CDH13: variants seen among roughly 807,000 people sequenced by gnomAD.
CDH13 encodes cadherin 13.
Under a neutral mutation model 63.8 loss-of-function variants are expected in CDH13, and 24 were observed. The ratio of observed to expected loss-of-function variants is 0.38; its 90% CI spans 0.27 to 0.53. The LOEUF is 0.53. Ranked by LOEUF, CDH13 falls within the 20% of genes least tolerant of loss-of-function variation. CDH13 has a pLI of 0.85. For missense variants in CDH13, 1,049 were observed against 903.1 expected, an observed-to-expected ratio of 1.16 and a Z score of -2.07; for synonymous variants, 503 against 355.3, an observed-to-expected ratio of 1.42 and a Z score of -4.67.
intron 1 of CDH13, among the ~76,000 whole-genome samples, chr16:82,693,641 G>A (rs754153061): frequency 6.6e-6 from 1 of 152,222 alleles, no homozygotes; most frequent in African/African-American, 2.4e-5. Context: ...CAAATGATAA[G>A]TTGCTGTCAG....
At chr16:83,007,225 T>A (rs1356581772) in intron 2 of CDH13, among the ~76,000 whole-genome samples, 1 of 152,196 alleles carries the variant, frequency 6.6e-6, no homozygotes. Flanking sequence ...CCCAGCATGA[T>A]GACTTAAATT....
intron 3 of CDH13, among the ~76,000 whole-genome samples, chr16:83,104,825 A>C (rs1218820765): frequency 6.6e-6 from 1 of 152,196 alleles, no homozygotes; most frequent in Admixed American, 6.5e-5. Context: ...AACGAACAAA[A>C]ACAAGCCATG....
chr16:83,765,690 A>C (rs1231767693), intron 11 of CDH13, among the ~76,000 whole-genome samples: 1 of 152,212 alleles, frequency 6.6e-6, no homozygotes, highest in Non-Finnish European at 1.5e-5. Context: ...TTTGTAAAAT[A>C]CTGGTGCTGA....
At chr16:83,462,712 T>C (rs8048700) in intron 6 of CDH13, among the ~76,000 whole-genome samples, 69,706 of 152,042 alleles carry the variant, frequency 0.46, 16,291 homozygotes, top group Middle Eastern at 0.54. Flanking sequence ...GTCAAGATCA[T>C]GCCACTGCAC....
At chr16:82,935,082 G>T (rs1262133696) in intron 2 of CDH13, among the ~76,000 whole-genome samples, 17 of 152,180 alleles carry the variant, frequency 1.1e-4, no homozygotes. Context: ...AGACATACCT[G>T]AGACTGGGTG....
rs866538578 is a variant in CDH13, at chr16:83,117,652, G to A, written c.367-7733G>A. ...CAGAGAGAAAGGGCTTGGTTGATAC[G>A]TTTTGAAGAAATGAATGAAAGAATG... On this transcript the variant is annotated intron_variant, in intron 3 of 13. Coordinates refer to ENST00000567109, the MANE Select transcript of CDH13 (RefSeq NM_001257.5). Among the ~76,000 whole-genome samples the A allele has an allele frequency of 8.6e-5, 13 of 151,726 alleles. No homozygotes were observed. In the Middle Eastern group the frequency reaches 0.014, roughly 159 times the overall value.
intron 2 of CDH13, among the ~76,000 whole-genome samples, chr16:82,904,275 C>T (rs1047249635): frequency 1.5e-4 from 23 of 152,246 alleles, no homozygotes; most frequent in African/African-American, 4.3e-4. Flanking sequence ...CTGCACAGAA[C>T]GGAAATGTTT....
intron 7 of CDH13, among the ~76,000 whole-genome samples, chr16:83,540,626 C>T (rs909138022): frequency 2.0e-5 from 3 of 152,192 alleles, no homozygotes; most frequent in Non-Finnish European, 4.4e-5. Context: ...CGTAATGACA[C>T]TCTCAAGTAG....
intron 6 of CDH13, among the ~76,000 whole-genome samples, chr16:83,410,002 A>G (rs2092103118): frequency 6.6e-6 from 1 of 152,244 alleles, no homozygotes; most frequent in Non-Finnish European, 1.5e-5. Context: ...TCCTGTGTGA[A>G]ACAACTTTTA....
In CDH13 at chr16:83,119,185, T is replaced by C. The variant is rs768133562; in HGVS notation, c.367-6200T>C. On this transcript the variant is annotated intron_variant, in intron 3 of 13. Coordinates refer to ENST00000567109, the MANE Select transcript of CDH13 (RefSeq NM_001257.5). The stretch of plus-strand genomic sequence containing the variant: ...CTTTTTGGAATTCTCCTCTCTGTGC[T>C]TCTGGTTTTTCTGCTACGCTGACTA... 2.8e-4 allele frequency among the ~76,000 whole-genome samples: 43 copies of C among 152,180 alleles called. 1 individual carries two copies. Among genetic ancestry groups the C allele is most frequent in the Middle Eastern group, 3.2e-3 (1 of 316 alleles).
At chr16:83,767,398 T>C (rs1914467168) in intron 11 of CDH13, among the ~76,000 whole-genome samples, 1 of 152,216 alleles carries the variant, frequency 6.6e-6, no homozygotes, top group African/African-American at 2.4e-5. Flanking sequence ...GGAGTTCTCC[T>C]GCATGAGCTC....
At chr16:83,333,571 A>T (rs927874459) in intron 5 of CDH13, among the ~76,000 whole-genome samples, 1 of 151,832 alleles carries the variant, frequency 6.6e-6, no homozygotes, top group African/African-American at 2.4e-5. Context: ...AGGTCACCAT[A>T]CTCCCGCTAA....
intron 3 of CDH13, among the ~76,000 whole-genome samples, chr16:83,056,659 A>G (rs1325318005): frequency 6.6e-6 from 1 of 152,002 alleles, no homozygotes; most frequent in Admixed American, 6.5e-5. Context: ...TGGTGGTGAT[A>G]TGGTTTGGCC....
At chr16:83,075,956 C>T (rs934965748) in intron 3 of CDH13, among the ~76,000 whole-genome samples, 1 of 152,106 alleles carries the variant, frequency 6.6e-6, no homozygotes, top group African/African-American at 2.4e-5. Flanking sequence ...GGATCAGCTT[C>T]GTGACAAAAA....
At chr16:82,920,120 C>G (rs1356846132) in intron 2 of CDH13, among the ~76,000 whole-genome samples, 2 of 152,146 alleles carry the variant, frequency 1.3e-5, no homozygotes, top group African/African-American at 4.8e-5. Flanking sequence ...TGCGAGAAGT[C>G]CATGAATAGG....
chr16:82,630,968 A>C (rs1407480582), intron 1 of CDH13, among the ~76,000 whole-genome samples: 3 of 152,170 alleles, frequency 2.0e-5, no homozygotes, highest in African/African-American at 7.2e-5. Flanking sequence ...CAATGCAGCA[A>C]CTCCATCAAA....
intron 1 of CDH13, among the ~76,000 whole-genome samples, chr16:82,835,362 T>C (rs1247594522): frequency 6.6e-6 from 1 of 152,182 alleles, no homozygotes; most frequent in African/African-American, 2.4e-5. Context: ...CTTGGTCTCT[T>C]CTTCCTTTTT....
intron 2 of CDH13, among the ~76,000 whole-genome samples, chr16:82,877,031 A>T (rs190623954): frequency 9.2e-5 from 14 of 152,342 alleles, no homozygotes; most frequent in Non-Finnish European, 1.6e-4. Context: ...TTAAAACAAG[A>T]CTACATTTAT....
At chr16:83,341,853 C>T (rs1038744243) in intron 5 of CDH13, among the ~76,000 whole-genome samples, 3 of 152,114 alleles carry the variant, frequency 2.0e-5, no homozygotes, top group Non-Finnish European at 2.9e-5. Context: ...TATTGCTATT[C>T]CTGCGGTCTA....
Sources: gnomAD v4.1 joint callset for allele counts (sites outside exome capture counted in the v4.1 genomes callset) on GRCh38, gnomAD v4.1.1 for gene constraint, MANE v1.5 for transcripts, NCBI Gene and HGNC (gene_info 2026-07-23, HGNC 2026-07-21) for gene names.